The following TBC1D32 variants were observed in gnomAD, a reference collection of about 807,000 sequenced individuals.
TBC1D32 encodes TBC1 domain family member 32, also known as protein broad-minded.
Under a neutral mutation model 170.3 loss-of-function variants are expected in TBC1D32, and 151 were observed. That is an observed-to-expected ratio of 0.89 (90% confidence interval 0.78 to 1.01). TBC1D32 has a LOEUF of 1.01. TBC1D32 is among the 50% of genes least tolerant of loss of function. The pLI, the probability that TBC1D32 is intolerant of heterozygous loss-of-function variation, is 0.00. For missense variants in TBC1D32, 1,464 were observed against 1,457.1 expected, an observed-to-expected ratio of 1.00 and a Z score of -0.08; for synonymous variants, 498 against 488.0, an observed-to-expected ratio of 1.02 and a Z score of -0.27.
At chr6:121,317,737 A>C in intron 2 of TBC1D32, 65 bp from the exon 3 acceptor site, 1 of 1,173,788 alleles carries the variant, frequency 8.5e-7, no homozygotes, top group African/African-American at 1.6e-5. Context: ...CAACTAGTTA[A>C]ATTATCTAAT....
chr6:121,126,808 C>CA (rs905853358), intron 25 of TBC1D32, among the ~76,000 whole-genome samples: 14 of 150,340 alleles, frequency 9.3e-5, no homozygotes, highest in Admixed American at 3.3e-4. Flanking sequence ...TTATGCATAA[C>CA]AAAAAAAAAG....
rs1333380611 is a variant in TBC1D32 at position 121,115,121 on chromosome 6, G to A, written c.3053+51C>T. On this transcript the variant is annotated intron_variant, in intron 27 of 31. Transcript: ENST00000398212. ...AATACTACTGAGCACATATGAGGCA[G>A]ATAAAACAAATTCTAGAAATGCACA... The A allele has an allele frequency of 2.1e-6, 3 of 1,452,950 alleles. No individual in the cohort carries two copies. In the African/African-American group the frequency reaches 4.3e-5, roughly 21 times the overall value. The allele number at this position is 1,452,950 out of a possible 1,614,324, so 90.0% of individuals were successfully genotyped here. A position where few individuals can be genotyped will look rare whatever the true frequency, so the allele number is the denominator to read the frequency against.
intron 22 of TBC1D32, among the ~76,000 whole-genome samples, 171 bp from the exon 23 acceptor site, chr6:121,161,227 C>A (rs1011761938): frequency 6.6e-6 from 1 of 152,072 alleles, no homozygotes; most frequent in Non-Finnish European, 1.5e-5. Flanking sequence ...GGTACCTGTG[C>A]AGGATGTGCA....
chr6:121,120,503 A>C (rs1251923989), intron 26 of TBC1D32, among the ~76,000 whole-genome samples: 1 of 152,040 alleles, frequency 6.6e-6, no homozygotes, highest in Non-Finnish European at 1.5e-5. Flanking sequence ...TGGTCATGCA[A>C]ATTTCCATGA....
intron 15 of TBC1D32, among the ~76,000 whole-genome samples, chr6:121,266,376 T>G (rs923417868): frequency 3.9e-5 from 6 of 152,280 alleles, no homozygotes; most frequent in African/African-American, 1.4e-4. Context: ...TACCATCTCA[T>G]GCCAGTTAGA....
chr6:121,234,845 C>T (rs530124051), intron 20 of TBC1D32, among the ~76,000 whole-genome samples: 2 of 152,192 alleles, frequency 1.3e-5, no homozygotes, highest in Admixed American at 6.5e-5. Context: ...GAGTAGACTA[C>T]GTCAGAGGGA....
chr6:121,288,510 A>G (rs537486061), intron 12 of TBC1D32, among the ~76,000 whole-genome samples: 12 of 152,338 alleles, frequency 7.9e-5, no homozygotes, highest in African/African-American at 1.9e-4. Flanking sequence ...GGCAATAATT[A>G]ATACCTTGCC....
At chr6:121,085,230 T>C (rs1448609372) in intron 31 of TBC1D32, among the ~76,000 whole-genome samples, 11 of 144,824 alleles carry the variant, frequency 7.6e-5, no homozygotes, top group East Asian at 2.0e-4. Context: ...CACATATATA[T>C]ATACACATAT....
At chr6:121,298,881 TG>T (rs1806041071) in intron 10 of TBC1D32, among the ~76,000 whole-genome samples, 1 of 152,162 alleles carries the variant, frequency 6.6e-6, no homozygotes. Flanking sequence ...ATAAATTTTG[TG>T]TTTTTCATTT....
upstream of TBC1D32, chr6:121,334,496 C>G: frequency 6.6e-7 from 1 of 1,516,624 alleles, no homozygotes; most frequent in Non-Finnish European, 8.9e-7. Context: ...ACTGCGCACG[C>G]GCACGCGCAC....
At chr6:121,153,764 C>A (rs1418603751) in intron 24 of TBC1D32, among the ~76,000 whole-genome samples, 1 of 152,128 alleles carries the variant, frequency 6.6e-6, no homozygotes, top group African/African-American at 2.4e-5. Context: ...CCACCCAGTC[C>A]TAATATCCAG....
At chr6:121,107,738 T>G (rs1431308198) in intron 29 of TBC1D32, among the ~76,000 whole-genome samples, 2 of 151,980 alleles carry the variant, frequency 1.3e-5, no homozygotes, top group Non-Finnish European at 2.9e-5. Context: ...CAAACTTAGG[T>G]AATAATTTTC....
intron 20 of TBC1D32, among the ~76,000 whole-genome samples, chr6:121,231,130 A>C (rs572865224): frequency 6.6e-6 from 1 of 152,248 alleles, no homozygotes; most frequent in East Asian, 1.9e-4. Flanking sequence ...TTTTTGCATA[A>C]GGTGAAAGAG....
At position 121,311,037 on chromosome 6, in the gene TBC1D32, T is replaced by C. The variant is rs766156958; in HGVS notation, c.496-190A>G. On this transcript the variant is annotated intron_variant, in intron 3 of 31. Coordinates refer to ENST00000398212, the MANE Select transcript of TBC1D32 (RefSeq NM_152730.6). ...TTTAAATGGGAACTGAATGTCCCAG[T>C]AGAAAGTGTACCTTCATGTATATGA... is the stretch of plus-strand genomic sequence containing the variant. Among the ~76,000 whole-genome samples, 57 of 152,200 alleles carry C rather than the reference T, an allele frequency of 3.7e-4. 1 individual carries two copies. The highest frequency in any genetic ancestry group is 7.5e-4 in the African/African-American group (31 of 41,448).
At chr6:121,183,263 A>G (rs1328016612) in intron 22 of TBC1D32, among the ~76,000 whole-genome samples, 4 of 152,142 alleles carry the variant, frequency 2.6e-5, no homozygotes, top group African/African-American at 9.7e-5. Context: ...ATTTCATACA[A>G]TGCTAAGCAG....
chr6:121,219,088 C>T (rs148777207), intron 21 of TBC1D32, among the ~76,000 whole-genome samples: 1 of 152,194 alleles, frequency 6.6e-6, no homozygotes, highest in Non-Finnish European at 1.5e-5. Context: ...TTTGGCAGAA[C>T]AATTTAAGTT....
In TBC1D32 at chr6:121,284,682, T is replaced by C. The variant is rs545545601; in HGVS notation, c.1373-772A>G. Among the ~76,000 whole-genome samples, 83 of 152,210 alleles carry C rather than the reference T, an allele frequency of 5.5e-4. 1 individual carries two copies. Among genetic ancestry groups the C allele is most frequent in the Middle Eastern group, 3.4e-3 (1 of 294 alleles). On this transcript the variant is annotated intron_variant, in intron 12 of 31. Coordinates refer to ENST00000398212, the MANE Select transcript of TBC1D32 (RefSeq NM_152730.6). Reference sequence around the variant, plus strand: ...TGAAAGTTGACCTATGCTAATATAGTAGAATAAACCACTACAAACTCAATT... The same window carrying C: ...TGAAAGTTGACCTATGCTAATATAGCAGAATAAACCACTACAAACTCAATT...
intron 3 of TBC1D32, 79 bp downstream of exon 3, chr6:121,317,416 A>G (rs1426029669): frequency 6.0e-6 from 7 of 1,173,650 alleles, no homozygotes; most frequent in Non-Finnish European, 8.1e-6. Flanking sequence ...CAGGAAAAAT[A>G]TGGCTAAGAA....
At chr6:121,142,399 C>T (rs527646586) in intron 24 of TBC1D32, among the ~76,000 whole-genome samples, 2 of 152,324 alleles carry the variant, frequency 1.3e-5, no homozygotes, top group Admixed American at 6.5e-5. Flanking sequence ...AATTACTCTC[C>T]TCTTTAAAGA....
Sources: gnomAD v4.1 joint callset for allele counts (sites outside exome capture counted in the v4.1 genomes callset) on GRCh38, gnomAD v4.1.1 for gene constraint, MANE v1.5 for transcripts, NCBI Gene and HGNC (gene_info 2026-07-23, HGNC 2026-07-21) for gene names.